Variants in GRIA4 observed in about 807,000 individuals in gnomAD.
GRIA4 encodes glutamate receptor 4.
A neutral mutation model predicts 104.0 loss-of-function variants in GRIA4; 34 were observed. That is an observed-to-expected ratio of 0.33 (90% CI 0.25 to 0.44). GRIA4 has a LOEUF of 0.44. GRIA4 is among the 20% of genes least tolerant of loss of function. The probability of loss-of-function intolerance (pLI) is 1.00; values close to 1 mark genes in which losing one functional copy is unlikely to be tolerated. For synonymous variants in GRIA4, 386 were observed against 381.9 expected (o/e 1.01, Z -0.13); for missense variants, 750 against 1,096.5 (o/e 0.68, Z 4.46).
intron 3 of GRIA4, among the ~76,000 whole-genome samples, chr11:105,661,776 A>AT (rs1433466792): frequency 6.6e-6 from 1 of 151,778 alleles, no homozygotes; most frequent in Non-Finnish European, 1.5e-5. Context: ...TTACACAAAT[A>AT]TTTTTTGAGC....
chr11:105,853,178 G>C (rs1944881906), intron 4 of GRIA4, among the ~76,000 whole-genome samples: 1 of 152,142 alleles, frequency 6.6e-6, no homozygotes, highest in African/African-American at 2.4e-5. Flanking sequence ...CAATTAATGA[G>C]TCAGTTTTGC....
chr11:105,855,945 A>C (rs934700630), intron 4 of GRIA4, among the ~76,000 whole-genome samples: 3 of 152,148 alleles, frequency 2.0e-5, no homozygotes, highest in African/African-American at 7.2e-5. Flanking sequence ...TGTGCTTCTG[A>C]AGGTCAAAAA....
intron 14 of GRIA4, among the ~76,000 whole-genome samples, chr11:105,934,331 T>G (rs1171360073): frequency 6.6e-6 from 1 of 152,188 alleles, no homozygotes; most frequent in Non-Finnish European, 1.5e-5. Context: ...TTATCATTTT[T>G]TTTTAATTAT....
chr11:105,709,763 C>A (rs1953844551), intron 3 of GRIA4, among the ~76,000 whole-genome samples: 1 of 152,038 alleles, frequency 6.6e-6, no homozygotes. Flanking sequence ...TTGATACTAC[C>A]ACCTCCATTA....
chr11:105,730,315 C>T (rs1043733049), intron 3 of GRIA4, among the ~76,000 whole-genome samples: 2 of 152,132 alleles, frequency 1.3e-5, no homozygotes, highest in East Asian at 1.9e-4. Flanking sequence ...AGGAATACAA[C>T]TTCAAGGGAT....
In GRIA4 at chr11:105,897,397, C is replaced by CT. The variant is rs886692239; in HGVS notation, c.727-865dup. On this transcript the variant is annotated intron_variant, in intron 6 of 16. Transcript: ENST00000282499. ...CTTCCTCTTTTTCCTATTTGAATGC[C>CT]TTTTTTTCTCTTTTCTGATTTTTCT... 4.6e-5 allele frequency among the ~76,000 whole-genome samples: 7 copies of CT among 151,764 alleles called. No individual in the cohort carries two copies. In the East Asian group the frequency reaches 7.7e-4, roughly 17 times the overall value.
chr11:105,636,172 C>G (rs1951196797), intron 3 of GRIA4, among the ~76,000 whole-genome samples: 1 of 152,110 alleles, frequency 6.6e-6, no homozygotes, highest in Admixed American at 6.5e-5. Flanking sequence ...TTCATCAGTT[C>G]AGTTCTTATT....
At chr11:105,833,749 A>T (rs1358214956) in intron 4 of GRIA4, among the ~76,000 whole-genome samples, 2 of 151,992 alleles carry the variant, frequency 1.3e-5, no homozygotes, top group Non-Finnish European at 2.9e-5. Flanking sequence ...TTTAAAGTGC[A>T]GATTGGCTAT....
intron 4 of GRIA4, among the ~76,000 whole-genome samples, chr11:105,788,881 C>A (rs1942091658): frequency 6.6e-6 from 1 of 152,084 alleles, no homozygotes; most frequent in African/African-American, 2.4e-5. Context: ...CTTGAAAAAT[C>A]TTATAGTTCT....
intron 4 of GRIA4, among the ~76,000 whole-genome samples, chr11:105,763,518 C>T (rs1264579920): frequency 1.3e-5 from 2 of 151,802 alleles, no homozygotes; most frequent in Non-Finnish European, 2.9e-5. Context: ...TGTTTTTTTC[C>T]TTCATATGAT....
At chr11:105,616,737 T>A (rs192289543) in intron 3 of GRIA4, among the ~76,000 whole-genome samples, 62 of 151,908 alleles carry the variant, frequency 4.1e-4, no homozygotes, top group Middle Eastern at 3.4e-3. Context: ...AATACTAGAA[T>A]TAAATACTAT....
At chr11:105,839,390 G>A (rs1944308208) in intron 4 of GRIA4, among the ~76,000 whole-genome samples, 1 of 150,764 alleles carries the variant, frequency 6.6e-6, no homozygotes, top group Non-Finnish European at 1.5e-5. Context: ...GAAATAATGA[G>A]CACCAAGGAA....
rs556777295 is a variant in GRIA4, at chr11:105,647,073, C to T, written c.247+34639C>T. On this transcript the variant is annotated intron_variant, in intron 3 of 16. Coordinates refer to ENST00000282499, the MANE Select transcript of GRIA4 (RefSeq NM_000829.4). ...CTGTCATCTGACAAAGATTTAATAT[C>T]TAGCATCTGTAAGGAACTTAAATTT... Among the ~76,000 whole-genome samples the T allele has an allele frequency of 3.9e-5, 6 of 152,232 alleles. No individual in the cohort carries two copies. In the East Asian group the frequency reaches 1.2e-3, roughly 29 times the overall value.
chr11:105,620,609 A>G (rs1201629971), intron 3 of GRIA4, among the ~76,000 whole-genome samples: 2 of 151,872 alleles, frequency 1.3e-5, no homozygotes, highest in East Asian at 3.9e-4. Context: ...AAATATGGAC[A>G]TATTGATTTT....
chr11:105,689,520 A>G (rs1241147373), intron 3 of GRIA4, among the ~76,000 whole-genome samples: 1 of 152,190 alleles, frequency 6.6e-6, no homozygotes, highest in East Asian at 1.9e-4. Context: ...AAAGCCAGCA[A>G]TGTACTTCTC....
chr11:105,804,966 A>C (rs1942885289), intron 4 of GRIA4, among the ~76,000 whole-genome samples: 1 of 151,946 alleles, frequency 6.6e-6, no homozygotes, highest in Non-Finnish European at 1.5e-5. Flanking sequence ...TATAATATAA[A>C]AATAGGCTTT....
intron 3 of GRIA4, among the ~76,000 whole-genome samples, chr11:105,649,043 T>C (rs1293299532): frequency 6.6e-6 from 1 of 152,142 alleles, no homozygotes; most frequent in Non-Finnish European, 1.5e-5. Context: ...CAAACAAAGC[T>C]GATGTTAATG....
chr11:105,960,505 G>C (rs1374706178), intron 14 of GRIA4, among the ~76,000 whole-genome samples: 2 of 152,218 alleles, frequency 1.3e-5, no homozygotes, highest in Non-Finnish European at 2.9e-5. Flanking sequence ...CAGGGGAAAA[G>C]CACAGCCTGG....
At chr11:105,907,189 T>C (rs1276229255) in intron 9 of GRIA4, among the ~76,000 whole-genome samples, 1 of 152,062 alleles carries the variant, frequency 6.6e-6, no homozygotes, top group East Asian at 1.9e-4. Flanking sequence ...GTAACAAAAA[T>C]TAAGACTTTT....
Sources: gnomAD v4.1 joint callset for allele counts (sites outside exome capture counted in the v4.1 genomes callset) on GRCh38, gnomAD v4.1.1 for gene constraint, MANE v1.5 for transcripts, NCBI Gene and HGNC (gene_info 2026-07-23, HGNC 2026-07-21) for gene names.